ADGRL3: variants seen among roughly 807,000 people sequenced by gnomAD.
The protein encoded by ADGRL3 is adhesion G protein-coupled receptor L3.
ADGRL3 carries 62 observed loss-of-function variants against 153.5 expected under a neutral mutation model. The observed-to-expected ratio is 0.40, with a 90% CI of 0.33 to 0.50. ADGRL3 has a LOEUF of 0.50. ADGRL3 is among the 20% of genes least tolerant of loss of function. The probability of loss-of-function intolerance (pLI) is 0.47; values close to 1 mark genes in which losing one functional copy is unlikely to be tolerated. For synonymous variants in ADGRL3, 710 were observed against 672.5 expected, an observed-to-expected ratio of 1.06 and a Z score of -0.86; for missense variants, 1,641 against 1,859.4, an observed-to-expected ratio of 0.88 and a Z score of 2.16.
chr4:61,822,986 C>T (rs1400789339), intron 9 of ADGRL3, among the ~76,000 whole-genome samples: 1 of 152,136 alleles, frequency 6.6e-6, no homozygotes, highest in East Asian at 1.9e-4. Context: ...TGATTCTCCC[C>T]TTGATCACTG....
chr4:61,522,831 C>T (rs570369379), intron 4 of ADGRL3, among the ~76,000 whole-genome samples: 3 of 152,020 alleles, frequency 2.0e-5, no homozygotes, highest in South Asian at 4.1e-4. Context: ...ATGGAGGTTG[C>T]GTCAATTTAC....
At position 61,517,222 on chromosome 4, in the gene ADGRL3, G is replaced by A; in HGVS notation, c.56-93G>A. 1.4e-5 allele frequency: 9 copies of A among 654,374 alleles called. No homozygotes were observed. The South Asian group carries it at 1.5e-4, about 11-fold the overall frequency. 40.5% of individuals were successfully genotyped at this position (654,374 alleles called of 1,614,324 possible). A position where few individuals can be genotyped will look rare whatever the true frequency, so the allele number is the denominator to read the frequency against. ...AGTCTTGGGCCTATAGCCGGCGGCA[G>A]AGAGCAGCCTTGGGAATAGCCTCTA... On this transcript the variant is annotated intron_variant, in intron 3 of 26. Transcript: ENST00000683033.
chr4:61,572,847 C>T (rs1188082016), intron 4 of ADGRL3, among the ~76,000 whole-genome samples: 1 of 151,994 alleles, frequency 6.6e-6, no homozygotes, highest in Non-Finnish European at 1.5e-5. Flanking sequence ...ATGATGTCTT[C>T]AAGGCTCCAT....
chr4:61,935,880 G>A (rs2098836240), intron 14 of ADGRL3, 43 bp from the exon 15 acceptor site: 1 of 1,541,450 alleles, frequency 6.5e-7, no homozygotes, highest in African/African-American at 1.4e-5. Flanking sequence ...TGTAGCTTAG[G>A]TATGTTTCTC....
At chr4:61,489,397 T>C (rs967956415) in intron 2 of ADGRL3, among the ~76,000 whole-genome samples, 2 of 151,992 alleles carry the variant, frequency 1.3e-5, no homozygotes, top group East Asian at 1.9e-4. Context: ...TAGGAAAATA[T>C]GGCTACATTC....
At position 61,217,517 on chromosome 4, in the gene ADGRL3, TC is replaced by T. The variant is rs1743352027; in HGVS notation, c.-240+15754del. On this transcript the variant is annotated intron_variant, in intron 1 of 26. Coordinates refer to ENST00000683033, the MANE Select transcript of ADGRL3 (RefSeq NM_001387552.1). Reference sequence around the variant, plus strand: ...AATAGAGAAAACAAATCTGAAGTTTTCCTTTTACAGAGAAAGTGAGTTAACG... The same window carrying T: ...AATAGAGAAAACAAATCTGAAGTTTTCTTTTACAGAGAAAGTGAGTTAACG... Among the ~76,000 whole-genome samples the T allele has an allele frequency of 2.0e-5, 3 of 152,330 alleles. No homozygotes were observed. In the East Asian group the frequency reaches 5.8e-4, roughly 29 times the overall value.
chr4:61,429,410 A>G (rs2097327952), intron 2 of ADGRL3, among the ~76,000 whole-genome samples: 1 of 152,144 alleles, frequency 6.6e-6, no homozygotes, highest in Non-Finnish European at 1.5e-5. Flanking sequence ...AATATTGGAG[A>G]GACAAGATGC....
chr4:61,217,315 C>G (rs1240122094), intron 1 of ADGRL3, among the ~76,000 whole-genome samples: 1 of 152,140 alleles, frequency 6.6e-6, no homozygotes, highest in African/African-American at 2.4e-5. Context: ...AAAGACTTCC[C>G]AGAGCCAGTG....
chr4:61,313,881 C>T (rs551627728), intron 1 of ADGRL3, among the ~76,000 whole-genome samples: 3 of 152,178 alleles, frequency 2.0e-5, no homozygotes, highest in African/African-American at 4.8e-5. Context: ...ACCATCCCAT[C>T]GCAGGGAGCA....
intron 1 of ADGRL3, among the ~76,000 whole-genome samples, chr4:61,277,365 A>G (rs1180723829): frequency 1.3e-5 from 2 of 152,196 alleles, no homozygotes; most frequent in Admixed American, 6.5e-5. Flanking sequence ...TGCAGATAAC[A>G]TAAAAAGTAC....
intron 9 of ADGRL3, among the ~76,000 whole-genome samples, chr4:61,878,638 G>A (rs2098490399): frequency 6.6e-6 from 1 of 152,098 alleles, no homozygotes; most frequent in African/African-American, 2.4e-5. Context: ...TAATATTTTG[G>A]AGTAAATCAA....
At chr4:61,452,440 A>G (rs1409460430) in intron 2 of ADGRL3, among the ~76,000 whole-genome samples, 9 of 152,182 alleles carry the variant, frequency 5.9e-5, no homozygotes, top group African/African-American at 2.2e-4. Context: ...CTGACCTACA[A>G]TGGTAGCCAC....
intron 13 of ADGRL3, among the ~76,000 whole-genome samples, chr4:61,926,398 C>T (rs765083635): frequency 1.2e-4 from 19 of 152,196 alleles, no homozygotes; most frequent in Non-Finnish European, 2.4e-4. Context: ...ATCTCCTTGA[C>T]TATCCCAAAT....
chr4:61,676,348 G>T (rs2095191748), intron 5 of ADGRL3, among the ~76,000 whole-genome samples: 1 of 151,688 alleles, frequency 6.6e-6, no homozygotes, highest in African/African-American at 2.4e-5. Context: ...AATTTGTTAG[G>T]CTCAGATAAA....
chr4:61,798,976 T>C (rs1224379688), intron 8 of ADGRL3, among the ~76,000 whole-genome samples: 1 of 136,290 alleles, frequency 7.3e-6, no homozygotes, highest in Non-Finnish European at 1.5e-5. Flanking sequence ...TATTATAACA[T>C]TATTATATAT....
At chr4:61,501,197 ACTG>A (rs2098383132) in intron 3 of ADGRL3, among the ~76,000 whole-genome samples, 1 of 152,300 alleles carries the variant, frequency 6.6e-6, no homozygotes, top group East Asian at 1.9e-4. Context: ...AAGCCAGAAA[ACTG>A]CTAGATGTAC....
At chr4:61,264,697 A>G in intron 1 of ADGRL3, among the ~76,000 whole-genome samples, 1 of 151,968 alleles carries the variant, frequency 6.6e-6, no homozygotes, top group East Asian at 1.9e-4. Flanking sequence ...TTTACTAATA[A>G]AGTAGAGAAT....
rs534368573 is a variant in ADGRL3 at position 61,487,038 on chromosome 4, G to A, written c.-173-10083G>A. Among the ~76,000 whole-genome samples, 4 of 152,294 alleles carry A rather than the reference G, an allele frequency of 2.6e-5. No individual in the cohort carries two copies. The East Asian group carries it at 7.7e-4, about 29-fold the overall frequency. On this transcript the variant is annotated intron_variant, in intron 2 of 26. Coordinates refer to ENST00000683033, the MANE Select transcript of ADGRL3 (RefSeq NM_001387552.1). ...CTAAAGTTTGTTTTAATATTTTAGT[G>A]TATAGCTATACTCTAGGTCTTCACC...
intron 8 of ADGRL3, among the ~76,000 whole-genome samples, chr4:61,786,500 G>A (rs1029565027): frequency 6.6e-6 from 1 of 152,122 alleles, no homozygotes; most frequent in African/African-American, 2.4e-5. Flanking sequence ...TACTCAAAGA[G>A]GGAAAAGGGA....
Sources: gnomAD v4.1 joint callset for allele counts (sites outside exome capture counted in the v4.1 genomes callset) on GRCh38, gnomAD v4.1.1 for gene constraint, MANE v1.5 for transcripts, NCBI Gene and HGNC (gene_info 2026-07-23, HGNC 2026-07-21) for gene names.